The following FAM107B variants were observed in gnomAD, a reference collection of about 807,000 sequenced individuals.
The protein encoded by FAM107B is family with sequence similarity 107 member B, also known as protein FAM107B.
Under a neutral mutation model 31.5 loss-of-function variants are expected in FAM107B, and 21 were observed. That is an observed-to-expected ratio of 0.67 (90% CI 0.47 to 0.96). The LOEUF is 0.96. Ranked by LOEUF, FAM107B falls within the 40% of genes least tolerant of loss-of-function variation. The pLI, the probability that FAM107B is intolerant of heterozygous loss-of-function variation, is 0.00. For missense variants in FAM107B, 452 were observed against 377.1 expected, an observed-to-expected ratio of 1.20 and a Z score of -1.64; for synonymous variants, 157 against 141.5, an observed-to-expected ratio of 1.11 and a Z score of -0.78.
intron 1 of FAM107B, among the ~76,000 whole-genome samples, chr10:14,743,354 T>C (rs1238469184): frequency 6.6e-6 from 1 of 152,206 alleles, no homozygotes; most frequent in Non-Finnish European, 1.5e-5. Flanking sequence ...AAAAGCTCTT[T>C]AATTAGATCC....
chr10:14,520,149 T>C lies in FAM107B; in HGVS notation c.*1041A>G, dbSNP rs1845497061. On this transcript the variant is annotated 3_prime_UTR_variant, in exon 5 of 5. Transcript: ENST00000181796. ...GCATTAATCAGAAATTTTCAAAGCTTGGATTCTAATGATATGCATTATCAT... is the reference window on the plus strand; with the variant it reads ...GCATTAATCAGAAATTTTCAAAGCTCGGATTCTAATGATATGCATTATCAT... 6.6e-6 allele frequency: 1 copy of C among 152,512 alleles called. No individual in the cohort carries two copies. The highest frequency in any genetic ancestry group is 2.4e-5 in the African/African-American group (1 of 41,454). 9.4% of individuals were successfully genotyped at this position (152,512 alleles called of 1,614,324 possible). A position where few individuals can be genotyped will look rare whatever the true frequency, so the allele number is the denominator to read the frequency against.
intron 2 of FAM107B, among the ~76,000 whole-genome samples, chr10:14,629,900 T>G (rs1282043211): frequency 6.6e-6 from 1 of 152,170 alleles, no homozygotes; most frequent in African/African-American, 2.4e-5. Flanking sequence ...TACATTTACT[T>G]TTTAAAATCA....
chr10:14,762,534 C>G (rs968859881), intron 1 of FAM107B, among the ~76,000 whole-genome samples: 12 of 152,162 alleles, frequency 7.9e-5, no homozygotes, highest in African/African-American at 2.9e-4. Context: ...GCAGGCAGAT[C>G]ACCTGAGGCC....
intron 2 of FAM107B, among the ~76,000 whole-genome samples, chr10:14,639,138 G>A (rs1853572613): frequency 6.6e-6 from 1 of 152,122 alleles, no homozygotes; most frequent in African/African-American, 2.4e-5. Context: ...AGGATGCAGT[G>A]AGCAGTGATG....
intron 1 of FAM107B, among the ~76,000 whole-genome samples, chr10:14,679,261 G>A (rs1854768637): frequency 6.6e-6 from 1 of 152,076 alleles, no homozygotes. Flanking sequence ...TCCCGAATAT[G>A]TGGGACTACA....
At chr10:14,691,729 C>T (rs1855139348) in intron 1 of FAM107B, among the ~76,000 whole-genome samples, 2 of 151,932 alleles carry the variant, frequency 1.3e-5, no homozygotes, top group African/African-American at 2.4e-5. Context: ...CCCATCTCTA[C>T]TGAAAATACA....
chr10:14,742,309 G>T lies in FAM107B; in HGVS notation c.411+31944C>A, dbSNP rs533290536. 1.3e-3 allele frequency among the ~76,000 whole-genome samples: 202 copies of T among 150,476 alleles called. 2 individuals carry two copies. The South Asian group carries it at 0.041, about 30-fold the overall frequency. On this transcript the variant is annotated intron_variant, in intron 1 of 4. Transcript: ENST00000181796. Reference sequence around the variant, plus strand: ...TTTTTTTTTTTTTTGTAAAGGCAAGGGTCTCACTATGTTGCCCAGGCTGGT... The same window carrying T: ...TTTTTTTTTTTTTTGTAAAGGCAAGTGTCTCACTATGTTGCCCAGGCTGGT...
At chr10:14,740,421 T>C (rs1372910860) in intron 1 of FAM107B, among the ~76,000 whole-genome samples, 1 of 152,074 alleles carries the variant, frequency 6.6e-6, no homozygotes, top group Non-Finnish European at 1.5e-5. Context: ...ATACAGACAA[T>C]AAAATGATCA....
intron 2 of FAM107B, among the ~76,000 whole-genome samples, chr10:14,591,420 G>A (rs946077526): frequency 6.6e-6 from 1 of 152,180 alleles, no homozygotes; most frequent in Admixed American, 6.5e-5. Flanking sequence ...CACAGTAACT[G>A]CAAGAGCCAA....
intron 2 of FAM107B, among the ~76,000 whole-genome samples, chr10:14,613,416 C>T (rs1359512768): frequency 6.6e-6 from 1 of 152,192 alleles, no homozygotes; most frequent in Non-Finnish European, 1.5e-5. Context: ...TTTTAAAAGA[C>T]AGTTTATCCA....
At chr10:14,732,802 A>T (rs144649081) in intron 1 of FAM107B, among the ~76,000 whole-genome samples, 4,317 of 147,398 alleles carry the variant, frequency 0.029, 172 homozygotes, top group East Asian at 0.16. Flanking sequence ...TATAGAATAC[A>T]TTATAATTAT....
intron 1 of FAM107B, among the ~76,000 whole-genome samples, chr10:14,728,390 T>C (rs1856086204): frequency 6.6e-6 from 1 of 151,928 alleles, no homozygotes; most frequent in Non-Finnish European, 1.5e-5. Flanking sequence ...ATTACTATTT[T>C]TGAAAATAAA....
intron 1 of FAM107B, among the ~76,000 whole-genome samples, chr10:14,677,064 G>T (rs1015823536): frequency 6.6e-6 from 1 of 152,132 alleles, no homozygotes; most frequent in Non-Finnish European, 1.5e-5. Flanking sequence ...GTAGCCCAAT[G>T]CCTCCCTCTG....
chr10:14,723,874 G>A, intron 1 of FAM107B: 1 of 753,912 alleles, frequency 1.3e-6, no homozygotes, highest in South Asian at 1.3e-5. Context: ...GGCATGAACT[G>A]CCAGCAGAAG....
chr10:14,765,516 A>G (rs750228949), intron 1 of FAM107B, among the ~76,000 whole-genome samples: 3 of 152,204 alleles, frequency 2.0e-5, no homozygotes, highest in Non-Finnish European at 4.4e-5. Context: ...TGTGTTTAAC[A>G]TCTTTTGAAA....
At chr10:14,524,547 C>G (rs1846023323) in intron 3 of FAM107B, among the ~76,000 whole-genome samples, 1 of 152,082 alleles carries the variant, frequency 6.6e-6, no homozygotes. Context: ...AAAAAATATG[C>G]ACAGATTAAA....
chr10:14,521,426 TC>T, intron 4 of FAM107B, 120 bp from the exon 5 acceptor site: 1 of 794,504 alleles, frequency 1.3e-6, no homozygotes, highest in Non-Finnish European at 2.0e-6. Flanking sequence ...TCTCTCCTGG[TC>T]CCCCACTTTT....
At chr10:14,699,929 A>G (rs1218037062) in intron 1 of FAM107B, among the ~76,000 whole-genome samples, 4 of 151,910 alleles carry the variant, frequency 2.6e-5, no homozygotes, top group African/African-American at 7.3e-5. Context: ...TTATTTTTTT[A>G]TTTATGATTA....
intron 1 of FAM107B, among the ~76,000 whole-genome samples, chr10:14,723,007 G>A (rs1855948363): frequency 6.6e-6 from 1 of 152,058 alleles, no homozygotes; most frequent in Non-Finnish European, 1.5e-5. Context: ...TGTGAGGTAG[G>A]GGTCCAATGG....
Sources: allele counts gnomAD v4.1 joint callset (sites outside exome capture counted in the v4.1 genomes callset), GRCh38; gene constraint gnomAD v4.1.1; transcripts MANE v1.5; gene names NCBI Gene and HGNC (gene_info 2026-07-23, HGNC 2026-07-21).